Variants in SNTG1 observed in about 807,000 individuals in gnomAD.
SNTG1 encodes syntrophin gamma 1, also known as gamma-1-syntrophin.
In SNTG1, 39 loss-of-function variants were observed where a neutral mutation model predicts 74.7. The ratio of observed to expected loss-of-function variants is 0.52; its 90% CI spans 0.40 to 0.68. SNTG1 has a LOEUF of 0.68. Ranked by LOEUF, SNTG1 falls within the 30% of genes least tolerant of loss-of-function variation. The pLI, the probability that SNTG1 is intolerant of heterozygous loss-of-function variation, is 0.00. For missense variants in SNTG1, 685 were observed against 609.5 expected (o/e 1.12, Z -1.30); for synonymous variants, 254 against 217.1 (o/e 1.17, Z -1.49).
intron 2 of SNTG1, among the ~76,000 whole-genome samples, chr8:50,215,483 A>G (rs13340607): frequency 0.091 from 13,407 of 147,528 alleles, 1,613 homozygotes; most frequent in African/African-American, 0.28. Context: ...TATAGACTAT[A>G]TATATATAGA....
intron 1 of SNTG1, among the ~76,000 whole-genome samples, chr8:49,913,429 C>T (rs909398163): frequency 6.6e-6 from 1 of 152,220 alleles, no homozygotes; most frequent in Non-Finnish European, 1.5e-5. Context: ...GAGGCCGTTA[C>T]AGTGGCATTC....
intron 4 of SNTG1, among the ~76,000 whole-genome samples, chr8:50,425,377 T>A (rs2093149857): frequency 6.6e-6 from 1 of 152,070 alleles, no homozygotes; most frequent in Non-Finnish European, 1.5e-5. Flanking sequence ...TACCCTATTA[T>A]GAATTGCACA....
intron 2 of SNTG1, among the ~76,000 whole-genome samples, chr8:50,198,476 C>G (rs1411581602): frequency 6.6e-6 from 1 of 152,066 alleles, no homozygotes; most frequent in Non-Finnish European, 1.5e-5. Flanking sequence ...TGACACAGTC[C>G]TCAGGCAGCT....
chr8:50,293,403 C>CTTTTTT (rs11349774), intron 2 of SNTG1, among the ~76,000 whole-genome samples: 1 of 135,646 alleles, frequency 7.4e-6, no homozygotes, highest in Non-Finnish European at 1.6e-5. Flanking sequence ...TAGTAGGCTT[C>CTTTTTT]TTTTTTTTTT....
chr8:50,215,463 A>AATAT (rs921886799), intron 2 of SNTG1, among the ~76,000 whole-genome samples: 1 of 146,230 alleles, frequency 6.8e-6, no homozygotes, highest in Non-Finnish European at 1.5e-5. Context: ...CTCTCTATAT[A>AATAT]ATATATATAT....
intron 17 of SNTG1, among the ~76,000 whole-genome samples, chr8:50,722,674 A>C (rs1270640563): frequency 6.6e-6 from 1 of 152,162 alleles, no homozygotes; most frequent in African/African-American, 2.4e-5. Flanking sequence ...GTTTTACCAC[A>C]TACATGGCTT....
chr8:50,530,483 T>G lies in SNTG1; in HGVS notation c.549+224T>G, dbSNP rs1034472066. On this transcript the variant is annotated intron_variant, in intron 10 of 18. Transcript: ENST00000642720. Reference sequence around the variant, plus strand: ...TAAGTTCTTTTGAAGCAATAGATACTATTAACTTGGGGATGTCACTGGAGA... The same window carrying G: ...TAAGTTCTTTTGAAGCAATAGATACGATTAACTTGGGGATGTCACTGGAGA... Among the ~76,000 whole-genome samples the G allele has an allele frequency of 2.0e-5, 3 of 152,216 alleles. No individual in the cohort carries two copies. In the South Asian group the frequency reaches 6.2e-4, roughly 32 times the overall value.
intron 1 of SNTG1, among the ~76,000 whole-genome samples, chr8:49,935,958 A>G (rs1377586751): frequency 1.3e-5 from 2 of 152,236 alleles, no homozygotes. Context: ...CATGGATAGC[A>G]GTGAACTCTG....
At chr8:50,252,313 G>T (rs957605671) in intron 2 of SNTG1, among the ~76,000 whole-genome samples, 3 of 151,852 alleles carry the variant, frequency 2.0e-5, no homozygotes, top group African/African-American at 7.3e-5. Context: ...AGAAAAACAA[G>T]AATAAGTTAA....
intron 1 of SNTG1, among the ~76,000 whole-genome samples, chr8:49,918,028 C>A (rs965685588): frequency 6.6e-6 from 1 of 152,132 alleles, no homozygotes; most frequent in Non-Finnish European, 1.5e-5. Flanking sequence ...AGCTGCCGAA[C>A]CTTTTCGTTT....
chr8:50,204,923 T>C (rs1016314815), intron 2 of SNTG1, among the ~76,000 whole-genome samples: 15 of 152,332 alleles, frequency 9.8e-5, no homozygotes, highest in Middle Eastern at 3.4e-3. Flanking sequence ...GGCTGCATAG[T>C]ATTCCATGGT....
At chr8:49,978,590 G>T (rs1280033528) in intron 1 of SNTG1, among the ~76,000 whole-genome samples, 1 of 152,032 alleles carries the variant, frequency 6.6e-6, no homozygotes, top group Non-Finnish European at 1.5e-5. Flanking sequence ...AATTAAAATT[G>T]TTGTCTTTAT....
intron 15 of SNTG1, among the ~76,000 whole-genome samples, chr8:50,692,722 G>T (rs1378052889): frequency 1.3e-5 from 2 of 152,166 alleles, no homozygotes; most frequent in African/African-American, 2.4e-5. Flanking sequence ...GAGGCAGTCT[G>T]CCCGTTCTCA....
At chr8:50,021,939 A>C (rs1816852197) in intron 1 of SNTG1, among the ~76,000 whole-genome samples, 1 of 42,666 alleles carries the variant, frequency 2.3e-5, no homozygotes, top group Non-Finnish European at 4.4e-5. Context: ...AGACCCTCTC[A>C]AAAAAAAAAT....
At chr8:50,052,079 A>G (rs1048418240) in intron 1 of SNTG1, among the ~76,000 whole-genome samples, 3 of 152,044 alleles carry the variant, frequency 2.0e-5, no homozygotes, top group Non-Finnish European at 4.4e-5. Flanking sequence ...TATGCAAGAG[A>G]CCTAGAATAA....
At chr8:50,293,310 G>A (rs372203404) in intron 2 of SNTG1, among the ~76,000 whole-genome samples, 2 of 151,768 alleles carry the variant, frequency 1.3e-5, no homozygotes, top group African/African-American at 4.8e-5. Flanking sequence ...TCCTACCTAT[G>A]TCTTCACATG....
At chr8:50,037,157 A>G (rs1030713884) in intron 1 of SNTG1, among the ~76,000 whole-genome samples, 3 of 152,248 alleles carry the variant, frequency 2.0e-5, no homozygotes, top group Admixed American at 6.5e-5. Context: ...AGAAAATCAT[A>G]AACATTGTAT....
chr8:50,325,792 G>A (rs1563900326), intron 2 of SNTG1, among the ~76,000 whole-genome samples: 1 of 152,012 alleles, frequency 6.6e-6, no homozygotes, highest in South Asian at 2.1e-4. Context: ...AATGGTGATA[G>A]GAAACATCTT....
intron 17 of SNTG1, among the ~76,000 whole-genome samples, chr8:50,724,626 A>G (rs1044223780): frequency 6.6e-6 from 1 of 152,138 alleles, no homozygotes; most frequent in Non-Finnish European, 1.5e-5. Context: ...CATTTTTGGT[A>G]GATTATTTTT....
Sources: gnomAD v4.1 joint callset for allele counts (sites outside exome capture counted in the v4.1 genomes callset) on GRCh38, gnomAD v4.1.1 for gene constraint, MANE v1.5 for transcripts, NCBI Gene and HGNC (gene_info 2026-07-23, HGNC 2026-07-21) for gene names.